The following TGS1 variants were observed in gnomAD, a reference collection of about 807,000 sequenced individuals.
The protein encoded by TGS1 is trimethylguanosine synthase 1, also known as trimethylguanosine synthase.
Under a neutral mutation model 92.2 loss-of-function variants are expected in TGS1, and 69 were observed. That is an observed-to-expected ratio of 0.75 (90% CI 0.62 to 0.91). The LOEUF is 0.91. TGS1 is among the 40% of genes least tolerant of loss of function. TGS1 has a pLI of 0.00. For missense variants in TGS1, 1,062 were observed against 1,001.2 expected (o/e 1.06, Z -0.82); for synonymous variants, 345 against 338.1 (o/e 1.02, Z -0.22).
chr8:55,803,612 A>G (rs781385129), intron 9 of TGS1, among the ~76,000 whole-genome samples: 1 of 152,070 alleles, frequency 6.6e-6, no homozygotes, highest in Non-Finnish European at 1.5e-5. Flanking sequence ...AAGTTTTGGT[A>G]AGGGGAGACA....
At chr8:55,821,528 A>C (rs921292604) in intron 12 of TGS1, among the ~76,000 whole-genome samples, 1 of 152,014 alleles carries the variant, frequency 6.6e-6, no homozygotes, top group Non-Finnish European at 1.5e-5. Flanking sequence ...AAACTACCCT[A>C]CCTTCTCAGA....
chr8:55,802,421 T>C (rs1195977931), intron 8 of TGS1, 36 bp from the exon 9 acceptor site: 2 of 1,574,158 alleles, frequency 1.3e-6, no homozygotes, highest in South Asian at 1.1e-5. Context: ...AATTTTTTTC[T>C]TAGTGAGCAT....
At chr8:55,793,678 C>T (rs959528741) in intron 6 of TGS1, among the ~76,000 whole-genome samples, 10 of 152,212 alleles carry the variant, frequency 6.6e-5, no homozygotes, top group Non-Finnish European at 8.8e-5. Flanking sequence ...AGTGATTCTC[C>T]TGCCTCAGCC....
At chr8:55,815,918 T>TTTTATTTATTTA (rs142853626) in intron 12 of TGS1, among the ~76,000 whole-genome samples, 25 of 150,546 alleles carry the variant, frequency 1.7e-4, no homozygotes, top group African/African-American at 4.9e-4. Flanking sequence ...AAGGACTAAT[T>TTTTATTTATTTA]TTTATTTATT....
intron 10 of TGS1, among the ~76,000 whole-genome samples, chr8:55,806,177 G>A (rs143772064): frequency 6.6e-6 from 1 of 151,014 alleles, no homozygotes; most frequent in Non-Finnish European, 1.5e-5. Context: ...CCAACATGGA[G>A]AGACCCCGTC....
At chr8:55,785,984 C>A in intron 3 of TGS1, 93 bp downstream of exon 3, 2 of 987,374 alleles carry the variant, frequency 2.0e-6, no homozygotes, top group East Asian at 2.6e-5. Flanking sequence ...TATGCATTCA[C>A]GATCAGCGCT....
Position 55,802,548 on chromosome 8 carries a change from C to T in TGS1, c.1941C>T (p.Tyr647=), listed in dbSNP as rs575877061. 2.7e-5 allele frequency: 43 copies of T among 1,614,146 alleles called. No homozygotes were observed. In the East Asian group the frequency reaches 9.1e-4, roughly 34 times the overall value. Residue 647 remains tyrosine (Y), a synonymous_variant, in exon 9 of 13, where the codon TAC becomes TAT. Coordinates refer to ENST00000260129, the MANE Select transcript of TGS1 (RefSeq NM_024831.8). ...CTGCTGTTCCTGAGCTGGCAAAATA[C>T]TGGGCCCAGAGGTACAGGCTCTTCT... ...EIAAVPELAK[Y]WAQRYRLFSR... is the part of the protein sequence containing the mutation.
intron 12 of TGS1, among the ~76,000 whole-genome samples, chr8:55,818,384 C>G (rs1803542134): frequency 6.6e-6 from 1 of 152,084 alleles, no homozygotes; most frequent in Admixed American, 6.6e-5. Context: ...TGTTGGCCAG[C>G]TATTCTTCAC....
intron 12 of TGS1, among the ~76,000 whole-genome samples, chr8:55,818,015 A>G (rs1005180339): frequency 2.0e-5 from 3 of 152,200 alleles, no homozygotes; most frequent in South Asian, 2.1e-4. Context: ...ATTGAAGGCT[A>G]TGGAGGTATG....
In TGS1 at chr8:55,802,531, C is replaced by G. The variant is rs376912364; in HGVS notation, c.1924C>G (p.Pro642Ala). The G allele has an allele frequency of 6.8e-6, 11 of 1,614,026 alleles. No homozygotes were observed. The highest frequency in any genetic ancestry group is 9.3e-6 in the Non-Finnish European group (11 of 1,179,950). The change falls in exon 9 of 13, where the codon CCT becomes GCT. Residue 642 changes from proline to alanine, a missense_variant. Pro to Ala is a conservative substitution (Grantham distance 27). Coordinates refer to ENST00000260129, the MANE Select transcript of TGS1 (RefSeq NM_024831.8). ...NGLPPEIAAV[P>A]ELAKYWAQRY... ...TCTGCCTCCTGAAATAGCTGCTGTT[C>G]CTGAGCTGGCAAAATACTGGGCCCA...
intron 5 of TGS1, among the ~76,000 whole-genome samples, chr8:55,791,170 T>C (rs903428189): frequency 6.6e-6 from 1 of 152,222 alleles, no homozygotes; most frequent in Non-Finnish European, 1.5e-5. Context: ...AGATCAACTC[T>C]ACTCGAAGCA....
intron 2 of TGS1, among the ~76,000 whole-genome samples, chr8:55,783,206 G>T (rs1399420112): frequency 1.3e-5 from 2 of 152,166 alleles, no homozygotes; most frequent in Non-Finnish European, 2.9e-5. Flanking sequence ...ATCACTTGAG[G>T]TCAGGAGTAC....
chr8:55,814,674 A>AAAAAAATATATATATAT (rs1254531524), intron 12 of TGS1, among the ~76,000 whole-genome samples: 3 of 123,352 alleles, frequency 2.4e-5, no homozygotes, highest in African/African-American at 1.1e-4. Flanking sequence ...AAAAAAAAAA[A>AAAAAAATATATATATAT]ATATATATAT....
chr8:55,797,443 A>G (rs1027248276), intron 7 of TGS1, among the ~76,000 whole-genome samples: 3 of 152,194 alleles, frequency 2.0e-5, no homozygotes, highest in Non-Finnish European at 2.9e-5. Flanking sequence ...AAACCATACC[A>G]GTAGGATCCT....
intron 2 of TGS1, 98 bp downstream of exon 2, chr8:55,782,910 G>A: frequency 2.6e-6 from 2 of 768,284 alleles, no homozygotes; most frequent in South Asian, 4.1e-5. Context: ...TGATTTGTTA[G>A]CATAAAATAT....
Position 55,813,096 on chromosome 8 carries a change from C to T in TGS1, c.2417C>T (p.Pro806Leu), listed in dbSNP as rs990841534. The change falls in exon 12 of 13, where the codon CCA becomes CTA. Residue 806 changes from proline (P) to leucine (L), a missense_variant. Transcript: ENST00000260129. ...KITNNIVYFL[P>L]RNADIDQVAS... The stretch of plus-strand genomic sequence containing the variant: ...ACTAATAATATTGTTTATTTTCTTC[C>T]AAGAAATGCTGATATTGACCAGGTA... 4 of 1,609,716 alleles carry T rather than the reference C, an allele frequency of 2.5e-6. No homozygotes were observed. The African/African-American group carries it at 5.4e-5, about 22-fold the overall frequency.
rs892485091 is a variant in TGS1 at position 55,799,959 on chromosome 8, AG to A, written c.1849+740del. Reference sequence around the variant, plus strand: ...TTTTTGATGGCACGTTAATATAAAAAGTATTCAGAGCAGTTGGCTCTAATGA... The same window carrying A: ...TTTTTGATGGCACGTTAATATAAAAATATTCAGAGCAGTTGGCTCTAATGA... On this transcript the variant is annotated intron_variant, in intron 8 of 12. Coordinates refer to ENST00000260129, the MANE Select transcript of TGS1 (RefSeq NM_024831.8). Among the ~76,000 whole-genome samples, 108 of 152,292 alleles carry A rather than the reference AG, an allele frequency of 7.1e-4. 1 individual carries two copies. The highest frequency in any genetic ancestry group is 2.5e-3 in the African/African-American group (104 of 41,574).
chr8:55,809,347 T>A (rs986117833), intron 10 of TGS1, among the ~76,000 whole-genome samples: 2 of 152,236 alleles, frequency 1.3e-5, no homozygotes, highest in African/African-American at 4.8e-5. Flanking sequence ...TGATGACTTA[T>A]ATGTTCTATA....
At chr8:55,808,753 C>G (rs1021699705) in intron 10 of TGS1, among the ~76,000 whole-genome samples, 10 of 152,086 alleles carry the variant, frequency 6.6e-5, no homozygotes, top group Non-Finnish European at 1.5e-4. Context: ...AGGTGATCCA[C>G]CCAACCTCGG....
Sources: gnomAD v4.1 joint callset for allele counts (sites outside exome capture counted in the v4.1 genomes callset) on GRCh38, gnomAD v4.1.1 for gene constraint, MANE v1.5 for transcripts, NCBI Gene and HGNC (gene_info 2026-07-23, HGNC 2026-07-21) for gene names.